The following ANGPT2 variants were observed in gnomAD, a reference collection of about 807,000 sequenced individuals.
ANGPT2 encodes the protein angiopoietin-2.
A neutral mutation model predicts 62.9 loss-of-function variants in ANGPT2; 28 were observed. That is an observed-to-expected ratio of 0.44 (90% CI 0.33 to 0.61). ANGPT2 has a LOEUF of 0.61. Ranked by LOEUF, ANGPT2 falls within the 20% of genes least tolerant of loss-of-function variation. The pLI, the probability that ANGPT2 is intolerant of heterozygous loss-of-function variation, is 0.03. For missense variants in ANGPT2, 727 were observed against 594.9 expected (o/e 1.22, Z -2.31); for synonymous variants, 284 against 207.8 (o/e 1.37, Z -3.15).
chr8:6,514,292 C>T (rs1169442454), intron 6 of ANGPT2, among the ~76,000 whole-genome samples: 3 of 152,150 alleles, frequency 2.0e-5, no homozygotes, highest in African/African-American at 2.4e-5. Context: ...CAGGTTCAAG[C>T]GATTCTCCTG....
intron 3 of ANGPT2, among the ~76,000 whole-genome samples, chr8:6,522,341 C>T (rs541717849): frequency 5.3e-5 from 8 of 150,936 alleles, no homozygotes; most frequent in Admixed American, 1.3e-4. Context: ...GGCGACAGAG[C>T]GAGACTCCGT....
intron 1 of ANGPT2, among the ~76,000 whole-genome samples, chr8:6,538,594 G>A (rs1396218476): frequency 2.0e-5 from 3 of 152,158 alleles, no homozygotes; most frequent in East Asian, 1.9e-4. Context: ...TACCACGGCC[G>A]CCTTTGTATC....
At chr8:6,561,856 G>C (rs143230596) in intron 1 of ANGPT2, among the ~76,000 whole-genome samples, 18 of 152,292 alleles carry the variant, frequency 1.2e-4, no homozygotes, top group African/African-American at 3.6e-4. Flanking sequence ...AAAACTCTAG[G>C]AAACAGTGGG....
chr8:6,537,947 G>A (rs1358060441), intron 1 of ANGPT2, among the ~76,000 whole-genome samples: 1 of 152,088 alleles, frequency 6.6e-6, no homozygotes, highest in Admixed American at 6.5e-5. Context: ...GTCCATCTGA[G>A]TGACCTAAGG....
intron 1 of ANGPT2, among the ~76,000 whole-genome samples, chr8:6,548,919 C>G (rs1823082023): frequency 6.6e-6 from 1 of 152,184 alleles, no homozygotes; most frequent in South Asian, 2.1e-4. Context: ...TATTTCACTA[C>G]CTCCTTGTTA....
At chr8:6,511,670 A>G (rs1200072228) in intron 7 of ANGPT2, among the ~76,000 whole-genome samples, 2 of 152,198 alleles carry the variant, frequency 1.3e-5, no homozygotes, top group East Asian at 3.8e-4. Flanking sequence ...TATTAGGATA[A>G]TAATTTTCGA....
At chr8:6,522,255 T>C (rs866685266) in intron 3 of ANGPT2, among the ~76,000 whole-genome samples, 31 of 151,852 alleles carry the variant, frequency 2.0e-4, no homozygotes, top group Middle Eastern at 6.8e-3. Flanking sequence ...CTCTGGAGGC[T>C]GAGGCAGGAG....
chr8:6,505,289 A>T (rs540242064), intron 8 of ANGPT2, among the ~76,000 whole-genome samples: 4 of 50,040 alleles, frequency 8.0e-5, no homozygotes, highest in East Asian at 1.2e-3. Flanking sequence ...TATATATGTT[A>T]TATACATATA....
intron 8 of ANGPT2, among the ~76,000 whole-genome samples, chr8:6,504,810 G>A (rs1271259736): frequency 6.6e-6 from 1 of 152,140 alleles, no homozygotes; most frequent in Non-Finnish European, 1.5e-5. Flanking sequence ...AACTTTGTAA[G>A]TATGTGTGAA....
intron 3 of ANGPT2, among the ~76,000 whole-genome samples, chr8:6,522,640 G>A (rs903747583): frequency 6.6e-6 from 1 of 151,666 alleles, no homozygotes; most frequent in African/African-American, 2.4e-5. Context: ...CAAGCGTGGG[G>A]GTACATGAAT....
Position 6,527,635 on chromosome 8 carries a change from T to TTCCAAGAGCTGAAGTTCAAGTCTCGTGG in ANGPT2, c.458_485dup (p.Glu162AspfsTer5), listed in dbSNP as rs1334282121. 1 of 1,614,056 alleles carries TTCCAAGAGCTGAAGTTCAAGTCTCGTGG rather than the reference T, an allele frequency of 6.2e-7. No individual in the cohort carries two copies. The highest frequency in any genetic ancestry group is 8.5e-7 in the Non-Finnish European group (1 of 1,179,936). On this transcript the variant is annotated stop_gained and frameshift_variant, in exon 3 of 9. Transcript: ENST00000629816. LOFTEE classifies it high-confidence loss of function. ...CCAATTTGTTTGTCGAGAGGGAGTG[T>TTCCAAGAGCTGAAGTTCAAGTCTCGTGG]TCCAAGAGCTGAAGTTCAAGTCTCG...
At chr8:6,539,471 A>G (rs1821129672) in intron 1 of ANGPT2, among the ~76,000 whole-genome samples, 1 of 152,138 alleles carries the variant, frequency 6.6e-6, no homozygotes, top group South Asian at 2.1e-4. Flanking sequence ...CTTAGGGAGC[A>G]CACTTGCCTT....
At position 6,502,856 on chromosome 8, in the gene ANGPT2, T is replaced by A. The variant is rs1812460595; in HGVS notation, c.*245A>T. On this transcript the variant is annotated 3_prime_UTR_variant, in exon 9 of 9. Coordinates refer to ENST00000629816, the MANE Select transcript of ANGPT2 (RefSeq NM_001118887.2). Reference sequence around the variant, plus strand: ...AGTCTGATTCTCAGCCTCGGGTTCATCTTTGCATAGGTGTTCTGTCTAATC... The same window carrying A: ...AGTCTGATTCTCAGCCTCGGGTTCAACTTTGCATAGGTGTTCTGTCTAATC... 4.3e-6 allele frequency: 2 copies of A among 466,828 alleles called. No individual in the cohort carries two copies. Among genetic ancestry groups the A allele is most frequent in the Admixed American group, 3.8e-5 (1 of 26,428 alleles). The allele number at this position is 466,828 out of a possible 1,614,324, so 28.9% of individuals were successfully genotyped here. A position where few individuals can be genotyped will look rare whatever the true frequency, so the allele number is the denominator to read the frequency against.
intron 5 of ANGPT2, 127 bp from the exon 6 acceptor site, chr8:6,514,905 C>T (rs968135963): frequency 9.4e-5 from 64 of 677,864 alleles, no homozygotes; most frequent in South Asian, 4.5e-4. Flanking sequence ...ATATAAGGCA[C>T]GGAGTAGACC....
intron 8 of ANGPT2, among the ~76,000 whole-genome samples, chr8:6,505,857 T>C (rs553935991): frequency 7.2e-6 from 1 of 138,074 alleles, no homozygotes; most frequent in African/African-American, 2.7e-5. Context: ...TATATGTATA[T>C]ATAAAAACAT....
In ANGPT2 at chr8:6,499,837, T is replaced by C. The variant is rs1811806203; in HGVS notation, c.*3264A>G. On this transcript the variant is annotated 3_prime_UTR_variant, in exon 9 of 9. Coordinates refer to ENST00000629816, the MANE Select transcript of ANGPT2 (RefSeq NM_001118887.2). ...AATAAATGTATAATAAATCTGCTTG[T>C]TGTGTCACTTGCAGGTGCTATGGTC... The C allele has an allele frequency of 6.2e-7, 1 of 1,611,678 alleles. No individual in the cohort carries two copies. Among genetic ancestry groups the C allele is most frequent in the Non-Finnish European group, 8.5e-7 (1 of 1,178,916 alleles).
chr8:6,511,858 A>C (rs1473256694), intron 7 of ANGPT2, among the ~76,000 whole-genome samples: 1 of 151,800 alleles, frequency 6.6e-6, no homozygotes, highest in South Asian at 2.1e-4. Context: ...TTTTGTAAAA[A>C]TCTTTTTATA....
chr8:6,506,531 G>T (rs1482491559), intron 8 of ANGPT2, among the ~76,000 whole-genome samples: 1 of 152,188 alleles, frequency 6.6e-6, no homozygotes, highest in East Asian at 1.9e-4. Flanking sequence ...TTCTCAAGGA[G>T]AGAGCTGGGT....
At chr8:6,536,948 A>G (rs1820607426) in intron 1 of ANGPT2, among the ~76,000 whole-genome samples, 1 of 151,060 alleles carries the variant, frequency 6.6e-6, no homozygotes, top group African/African-American at 2.4e-5. Context: ...ATTCCATTCT[A>G]AGTATAAGGA....
Sources: gnomAD v4.1 joint callset for allele counts (sites outside exome capture counted in the v4.1 genomes callset) on GRCh38, gnomAD v4.1.1 for gene constraint, MANE v1.5 for transcripts, NCBI Gene and HGNC (gene_info 2026-07-23, HGNC 2026-07-21) for gene names.